The following ADISSP variants were observed in gnomAD, a reference collection of about 807,000 sequenced individuals.
ADISSP encodes the protein adipose secreted signaling protein.
At chr20:3,767,828 G>A in the ADISSP span, 1 of 152,126 alleles carries the variant, frequency 6.6e-6, no homozygotes, top group East Asian at 1.9e-4. Context: ...AGGGTGGGGC[G>A]AGGGACGCTC....
At chr20:3,762,518 G>A in the ADISSP span, among the ~76,000 whole-genome samples, 5 of 152,046 alleles carry the variant, frequency 3.3e-5, no homozygotes, top group African/African-American at 9.7e-5. Flanking sequence ...CCACAGCCAC[G>A]CACCACCATG....
At chr20:3,760,162 A>G in the ADISSP span, 1 of 1,373,180 alleles carries the variant, frequency 7.3e-7, no homozygotes, top group Non-Finnish European at 1.0e-6. Context: ...GCAGCCTCCC[A>G]TGCTCCAGGG....
At chr20:3,760,188 T>TTGCGG in the ADISSP span, 2 of 1,154,412 alleles carry the variant, frequency 1.7e-6, no homozygotes, top group Non-Finnish European at 2.6e-6. Context: ...AGCGGGAGCC[T>TTGCGG]GAAGGATAGG....
the ADISSP span, chr20:3,754,296 G>A: frequency 6.6e-7 from 1 of 1,508,554 alleles, no homozygotes; most frequent in Non-Finnish European, 9.2e-7. Context: ...CCCTGAGCCG[G>A]GCAAGGATCC....
the ADISSP span, among the ~76,000 whole-genome samples, chr20:3,761,480 C>T: frequency 1.3e-5 from 2 of 152,066 alleles, no homozygotes; most frequent in African/African-American, 4.8e-5. Context: ...GGACTACAGG[C>T]GCCCGCCACC....
chr20:3,757,750 T>C, the ADISSP span, among the ~76,000 whole-genome samples: 1 of 152,170 alleles, frequency 6.6e-6, no homozygotes, highest in Non-Finnish European at 1.5e-5. Context: ...TGCCTCAGCC[T>C]CCCAAGTAGC....
the ADISSP span, among the ~76,000 whole-genome samples, chr20:3,765,099 G>A: frequency 6.6e-6 from 1 of 152,258 alleles, no homozygotes; most frequent in Non-Finnish European, 1.5e-5. Context: ...GAGGCAGGAA[G>A]CAAGGGACTT....
the ADISSP span, among the ~76,000 whole-genome samples, chr20:3,760,500 G>A: frequency 2.4e-4 from 36 of 152,212 alleles, no homozygotes; most frequent in Non-Finnish European, 4.4e-5. Context: ...CTGGCAGGAG[G>A]GGCAGCCTGG....
chr20:3,754,663 GC>G, the ADISSP span: 1 of 821,836 alleles, frequency 1.2e-6, no homozygotes, highest in Non-Finnish European at 1.9e-6. Flanking sequence ...CCCTTCTGGA[GC>G]CCAGAGACCC....
the ADISSP span, among the ~76,000 whole-genome samples, chr20:3,764,286 C>T: frequency 6.6e-6 from 1 of 152,236 alleles, no homozygotes; most frequent in Non-Finnish European, 1.5e-5. Context: ...CTCAAGGTCC[C>T]CCCATCTCCC....
chr20:3,767,162 GCT>G, the ADISSP span: 3 of 152,320 alleles, frequency 2.0e-5, no homozygotes, highest in Non-Finnish European at 4.4e-5. Context: ...CGAGGCGGCG[GCT>G]CTGTCCCTCG....
the ADISSP span, chr20:3,755,694 G>T: frequency 2.3e-5 from 28 of 1,206,818 alleles, no homozygotes; most frequent in Non-Finnish European, 2.9e-5. Flanking sequence ...GATCCCATGC[G>T]CCCCAGCACC....
chr20:3,757,858 T>G, the ADISSP span, among the ~76,000 whole-genome samples: 1 of 152,042 alleles, frequency 6.6e-6, no homozygotes, highest in Non-Finnish European at 1.5e-5. Flanking sequence ...GGGCCCCTTT[T>G]GAGCAGCGCA....
chr20:3,766,945 T>C, the ADISSP span, among the ~76,000 whole-genome samples: 1 of 152,024 alleles, frequency 6.6e-6, no homozygotes, highest in African/African-American at 2.4e-5. Flanking sequence ...GTCCAGAACC[T>C]AAATCCAGTC....
chr20:3,759,972 TGC>T, the ADISSP span: 9 of 1,062,138 alleles, frequency 8.5e-6, no homozygotes, highest in South Asian at 1.6e-5. The surrounding 1 kb of genome is among the most constrained non-coding windows in gnomAD (Gnocchi z 4.6). Flanking sequence ...CACTCACACA[TGC>T]ACACACACAC....
At chr20:3,768,012 G>C in the ADISSP span, 1 of 152,372 alleles carries the variant, frequency 6.6e-6, no homozygotes, top group Non-Finnish European at 1.5e-5. Flanking sequence ...CTCGAAGAGG[G>C]AGAAGGAGGG....
At chr20:3,754,097 T>C in the ADISSP span, 1 of 1,613,540 alleles carries the variant, frequency 6.2e-7, no homozygotes, top group Non-Finnish European at 8.5e-7. Context: ...CTGAGTCGTA[T>C]TCCAGCTCGG....
At chr20:3,760,804 G>A in the ADISSP span, among the ~76,000 whole-genome samples, 3 of 152,130 alleles carry the variant, frequency 2.0e-5, no homozygotes, top group Non-Finnish European at 2.9e-5. Flanking sequence ...GCCTGCCTCC[G>A]CCTCAGCTCC....
the ADISSP span, among the ~76,000 whole-genome samples, chr20:3,766,077 G>A: frequency 6.6e-6 from 1 of 152,114 alleles, no homozygotes; most frequent in Non-Finnish European, 1.5e-5. Flanking sequence ...TTCTCTCTGA[G>A]CCAGGAACTC....
Sources: gnomAD v4.1 joint callset for allele counts (sites outside exome capture counted in the v4.1 genomes callset) on GRCh38, gnomAD v4.1.1 for gene constraint, Gnocchi (gnomAD v3.1) non-coding constraint, MANE v1.5 for transcripts, NCBI Gene and HGNC (gene_info 2026-07-23, HGNC 2026-07-21) for gene names.